Variants in GAL3ST4 observed in about 807,000 individuals in gnomAD.
GAL3ST4 encodes the protein beta-galactose-3-O-sulfotransferase 4.
Under a neutral mutation model 31.6 loss-of-function variants are expected in GAL3ST4, and 30 were observed. That is an observed-to-expected ratio of 0.95 (90% confidence interval 0.71 to 1.29). The LOEUF (loss-of-function observed/expected upper bound fraction) is 1.29. Among genes scored for constraint, GAL3ST4 ranks in the 50% most tolerant of loss-of-function variants. GAL3ST4 has a pLI of 0.00. For missense variants in GAL3ST4, 629 were observed against 625.2 expected (o/e 1.01, Z -0.06); for synonymous variants, 248 against 256.9 (o/e 0.97, Z 0.33).
chr7:100,167,298 A>G lies in GAL3ST4; in HGVS notation c.-188-15T>C. ...TCTGTCAGCGTCTAGAAGGGAAATG[A>G]GGGGGGAAGAAGGGAAGTCTAAGGA... On this transcript the variant is annotated splice_polypyrimidine_tract_variant and intron_variant, in intron 1 of 3. Coordinates refer to ENST00000360039, the MANE Select transcript of GAL3ST4 (RefSeq NM_024637.5). The G allele has an allele frequency of 7.6e-7, 1 of 1,309,940 alleles. No individual in the cohort carries two copies. The allele number at this position is 1,309,940 out of a possible 1,614,324, so 81.1% of individuals were successfully genotyped here.
rs996322803 is a variant in GAL3ST4, at chr7:100,166,562, A to C, written c.369T>G (p.Gly123=). 28 of 1,613,884 alleles carry C rather than the reference A, an allele frequency of 1.7e-5. No individual in the cohort carries two copies. In the Admixed American group the frequency reaches 3.7e-4, roughly 21 times the overall value. ...ASRVKGYRPQ[G]GGTQLPFHIL... is the part of the protein sequence containing the mutation. ...TGTGGAAGGGGAGCTGGGTGCCTCC[A>C]CCCTGTGGGCGGTAGCCTTTTACCC... Residue 123 remains glycine, a synonymous_variant, in exon 3 of 4, where the codon GGT becomes GGG. Coordinates refer to ENST00000360039, the MANE Select transcript of GAL3ST4 (RefSeq NM_024637.5).
At position 100,160,310 on chromosome 7, in the gene GAL3ST4, C is replaced by G. The variant is rs551957728; in HGVS notation, c.1079G>C (p.Arg360Pro). ...AEDRQLTARA[R>P]AWNNLDWALY... is the part of the protein sequence containing the mutation. ...AGCCCAGTCCAGGTTGTTCCAGGCT[C>G]GGGCCCGTGCAGTCAGCTGCCGGTC... Residue 360 changes from arginine to proline, a missense_variant, in exon 4 of 4, where the codon CGA becomes CCA. By Grantham distance (103) the Arg-to-Pro change is moderately radical. Coordinates refer to ENST00000360039, the MANE Select transcript of GAL3ST4 (RefSeq NM_024637.5). The G allele has an allele frequency of 2.5e-6, 4 of 1,613,596 alleles. No individual in the cohort carries two copies. Among genetic ancestry groups the G allele is most frequent in the East Asian group, 2.2e-5 (1 of 44,888 alleles).
chr7:100,166,538 G>A lies in GAL3ST4; in HGVS notation c.393C>T (p.His131=), dbSNP rs770868242. 5.0e-6 allele frequency: 8 copies of A among 1,613,946 alleles called. No individual in the cohort carries two copies. The highest frequency in any genetic ancestry group is 1.7e-5 in the Admixed American group (1 of 59,990). Residue 131 remains histidine (H), a synonymous_variant, in exon 3 of 4, where the codon CAC becomes CAT. Transcript: ENST00000360039. ...PQGGGTQLPF[H]ILCHHMRFNL... is the part of the protein sequence containing the mutation. ...TGAACCTCATGTGGTGACAGAGGAT[G>A]TGGAAGGGGAGCTGGGTGCCTCCAC... is the stretch of plus-strand genomic sequence containing the variant.
At position 100,160,178 on chromosome 7, in the gene GAL3ST4, G is replaced by A. The variant is rs543582140; in HGVS notation, c.1211C>T (p.Ala404Val). The change falls in exon 4 of 4, where the codon GCG (alanine) becomes GTG (valine). Residue 404 changes from alanine (A) to valine (V), a missense_variant. Coordinates refer to ENST00000360039, the MANE Select transcript of GAL3ST4 (RefSeq NM_024637.5). ...CTCACCCCCTACCAGACAATGTTTC[G>A]CTAGGGCCTCTCGGCGAGCCCGGAG... ...AELRARREAL[A>V]KHCLVGGEAS... The A allele has an allele frequency of 1.7e-5, 28 of 1,614,094 alleles. No individual in the cohort carries two copies. In the African/African-American group the frequency reaches 2.5e-4, roughly 15 times the overall value.
intron 1 of GAL3ST4, 54 bp from the exon 2 acceptor site, chr7:100,167,337 A>T: frequency 1.1e-6 from 1 of 934,076 alleles, no homozygotes; most frequent in Non-Finnish European, 1.5e-6. Flanking sequence ...AGGCAGAGGC[A>T]GCCTTCTCTC....
intron 3 of GAL3ST4, among the ~76,000 whole-genome samples, chr7:100,163,698 T>A (rs1799035784): frequency 6.6e-6 from 1 of 151,942 alleles, no homozygotes; most frequent in African/African-American, 2.4e-5. Context: ...ACATTCCCTG[T>A]TAATTTTTAA....
At position 100,160,255 on chromosome 7, in the gene GAL3ST4, C is replaced by A. The variant is rs1224917514; in HGVS notation, c.1134G>T (p.Trp378Cys). 1 of 1,613,966 alleles carries A rather than the reference C, an allele frequency of 6.2e-7. No homozygotes were observed. The highest frequency in any genetic ancestry group is 8.5e-7 in the Non-Finnish European group (1 of 1,180,042). The change falls in exon 4 of 4, where the codon TGG becomes TGT. Residue 378 changes from tryptophan (W) to cysteine (C), a missense_variant. Coordinates refer to ENST00000360039, the MANE Select transcript of GAL3ST4 (RefSeq NM_024637.5). ...ALYVHFNRSLWARIEKYGQGR... is the reference protein window; with the variant it reads ...ALYVHFNRSLCARIEKYGQGR... ...CCTGGCCGTATTTCTCTATCCGTGC[C>A]CAGAGACTGCGGTTGAAGTGGACAT...
At position 100,160,635 on chromosome 7, in the gene GAL3ST4, G is replaced by A. The variant is rs767500396; in HGVS notation, c.754C>T (p.Gln252Ter). Reference protein sequence around the residue: ...VLPSGAGPRAQTLNPNALIHP... With the variant: ...VLPSGAGPRA ...ATGAGGGCATTGGGATTGAGGGTTT[G>A]GGCTCGAGGGCCAGCACCAGAAGGC... Residue 252 changes from glutamine (Q) to a stop codon, truncating the protein, a stop_gained, in exon 4 of 4, where the codon CAA becomes TAA. Transcript: ENST00000360039. LOFTEE classifies it high-confidence loss of function. The A allele has an allele frequency of 3.1e-6, 5 of 1,613,894 alleles. No individual in the cohort carries two copies. Among genetic ancestry groups the A allele is most frequent in the Non-Finnish European group, 4.2e-6 (5 of 1,180,044 alleles).
rs777963100 is a variant in GAL3ST4 at position 100,166,707 on chromosome 7, T to G, written c.224A>C (p.His75Pro). Reference sequence around the variant, plus strand: ...CAGCACAGAGCTGCTCCCGGATTTATGTGTCTTCAGGAACACCAGTCGCTG... The same window carrying G: ...CAGCACAGAGCTGCTCCCGGATTTAGGTGTCTTCAGGAACACCAGTCGCTG... Reference protein sequence around the residue: ...PRQRLVFLKTHKSGSSSVLSL... With the variant: ...PRQRLVFLKTPKSGSSSVLSL... Residue 75 changes from histidine to proline, a missense_variant, in exon 3 of 4, where the codon CAT becomes CCT. His to Pro is a moderately conservative substitution (Grantham distance 77). Coordinates refer to ENST00000360039, the MANE Select transcript of GAL3ST4 (RefSeq NM_024637.5). The G allele has an allele frequency of 3.7e-5, 59 of 1,614,036 alleles. No individual in the cohort carries two copies. The highest frequency in any genetic ancestry group is 4.8e-5 in the Non-Finnish European group (57 of 1,180,024).
chr7:100,163,684 A>G (rs1799035493), intron 3 of GAL3ST4, among the ~76,000 whole-genome samples: 1 of 151,926 alleles, frequency 6.6e-6, no homozygotes, highest in African/African-American at 2.4e-5. Context: ...ACAGGCACAC[A>G]CCAACATTCC....
chr7:100,160,194 G>C lies in GAL3ST4; in HGVS notation c.1195C>G (p.Arg399Gly). Residue 399 changes from arginine (R) to glycine (G), a missense_variant, in exon 4 of 4, where the codon CGC becomes GGC. Transcript: ENST00000360039. ...CAATGTTTCGCTAGGGCCTCTCGGCGAGCCCGGAGCTCGGCCACAGCTGTC... is the reference window on the plus strand; with the variant it reads ...CAATGTTTCGCTAGGGCCTCTCGGCCAGCCCGGAGCTCGGCCACAGCTGTC... ...LQTAVAELRARREALAKHCLV... is the reference protein window; with the variant it reads ...LQTAVAELRAGREALAKHCLV... 1 of 1,614,128 alleles carries C rather than the reference G, an allele frequency of 6.2e-7. No individual in the cohort carries two copies. The highest frequency in any genetic ancestry group is 1.1e-5 in the South Asian group (1 of 91,080).
Position 100,166,669 on chromosome 7 carries a change from G to T in GAL3ST4, c.262C>A (p.Arg88Ser). The change falls in exon 3 of 4, where the codon CGC becomes AGC. Residue 88 changes from arginine (R) to serine (S), a missense_variant. Coordinates refer to ENST00000360039, the MANE Select transcript of GAL3ST4 (RefSeq NM_024637.5). ...GSSSVLSLLHRYGDQHGLRFA... is the reference protein window; with the variant it reads ...GSSSVLSLLHSYGDQHGLRFA... The stretch of plus-strand genomic sequence containing the variant: ...CGCAGCCCGTGCTGGTCCCCATAGC[G>T]GTGAAGCAGGCTCAGCACAGAGCTG... The T allele has an allele frequency of 5.0e-6, 8 of 1,614,208 alleles. No individual in the cohort carries two copies. The highest frequency in any genetic ancestry group is 5.9e-6 in the Non-Finnish European group (7 of 1,180,032).
rs765043107 is a variant in GAL3ST4, at chr7:100,160,491, G to A, written c.898C>T (p.Leu300=). The A allele has an allele frequency of 2.2e-5, 35 of 1,613,976 alleles. 1 individual carries two copies. Among genetic ancestry groups the A allele is most frequent in the Non-Finnish European group, 2.4e-5 (28 of 1,180,038 alleles). Residue 300 remains leucine (L), a synonymous_variant, in exon 4 of 4, where the codon CTG becomes TTG. Coordinates refer to ENST00000360039, the MANE Select transcript of GAL3ST4 (RefSeq NM_024637.5). ...TCGAAGTACTCAGCCACCATGACCA[G>A]GTCAAAGACAGAGTCCAGCCATGCC... The part of the protein sequence containing the change: ...GLAWLDSVFD[L]VMVAEYFDES...
intron 3 of GAL3ST4, among the ~76,000 whole-genome samples, chr7:100,163,287 G>T (rs149591054): frequency 4.9e-4 from 74 of 152,314 alleles, no homozygotes; most frequent in African/African-American, 1.7e-3. Flanking sequence ...TGAAGGTGGA[G>T]ATCAGGCTGC....
chr7:100,162,406 G>A (rs568487713), intron 3 of GAL3ST4, among the ~76,000 whole-genome samples: 6 of 151,558 alleles, frequency 4.0e-5, no homozygotes, highest in South Asian at 2.1e-4. Flanking sequence ...TTAGCCAGGC[G>A]TGGTGGCAGG....
intron 1 of GAL3ST4, 191 bp from the exon 2 acceptor site, chr7:100,167,474 G>A (rs564271821): frequency 6.6e-5 from 16 of 243,600 alleles, no homozygotes; most frequent in African/African-American, 2.3e-4. Flanking sequence ...AGTTCCTCCC[G>A]CTCCCCACCT....
intron 3 of GAL3ST4, 105 bp downstream of exon 3, chr7:100,166,397 G>A: frequency 1.6e-6 from 2 of 1,228,006 alleles, no homozygotes; most frequent in Non-Finnish European, 2.3e-6. Flanking sequence ...CAACTTTAGG[G>A]TGAGATGATG....
chr7:100,160,465 A>T lies in GAL3ST4; in HGVS notation c.924T>A (p.Asp308Glu). 1 of 1,614,122 alleles carries T rather than the reference A, an allele frequency of 6.2e-7. No individual in the cohort carries two copies. The highest frequency in any genetic ancestry group is 1.3e-5 in the African/African-American group (1 of 75,050). The change falls in exon 4 of 4, where the codon GAT becomes GAA. Residue 308 changes from aspartate (D) to glutamate (E), a missense_variant. Physicochemically the swap from Asp to Glu is conservative, Grantham distance 45. Coordinates refer to ENST00000360039, the MANE Select transcript of GAL3ST4 (RefSeq NM_024637.5). ...CATCTGCCAGCAGAACCAATGACTC[A>T]TCGAAGTACTCAGCCACCATGACCA... The part of the protein sequence containing the change: ...FDLVMVAEYF[D>E]ESLVLLADAL...
intron 3 of GAL3ST4, among the ~76,000 whole-genome samples, chr7:100,165,570 C>T (rs758836791): frequency 1.3e-5 from 2 of 151,858 alleles, no homozygotes; most frequent in African/African-American, 4.8e-5. Flanking sequence ...AGGGAAGGGG[C>T]GTGTTGTCCT....
Sources: gnomAD v4.1 joint callset for allele counts (sites outside exome capture counted in the v4.1 genomes callset) on GRCh38, gnomAD v4.1.1 for gene constraint, MANE v1.5 for transcripts, NCBI Gene and HGNC (gene_info 2026-07-23, HGNC 2026-07-21) for gene names.